The following PAIP2 variants were observed in gnomAD, a reference collection of about 807,000 sequenced individuals.
The protein encoded by PAIP2 is polyadenylate-binding protein-interacting protein 2.
PAIP2 carries 7 observed loss-of-function variants against 14.8 expected under a neutral mutation model. That is an observed-to-expected ratio of 0.47 (90% confidence interval 0.27 to 0.89). PAIP2 has a LOEUF of 0.89. PAIP2 is among the 40% of genes least tolerant of loss of function. PAIP2 has a pLI of 0.13. For synonymous variants in PAIP2, 47 were observed against 45.3 expected (o/e 1.04, Z -0.15); for missense variants, 122 against 154.7 (o/e 0.79, Z 1.12).
At chr5:139,344,162 A>G (rs1457019408) in intron 1 of PAIP2, among the ~76,000 whole-genome samples, 1 of 152,216 alleles carries the variant, frequency 6.6e-6, no homozygotes, top group African/African-American at 2.4e-5. Context: ...GAAGATAACA[A>G]ATGAGACGTG....
chr5:139,342,220 A>G (rs1186719590), intron 1 of PAIP2, among the ~76,000 whole-genome samples: 1 of 150,468 alleles, frequency 6.6e-6, no homozygotes. Context: ...AATGATTTGG[A>G]TCTCGCAGCT....
chr5:139,360,028 G>A (rs886507573), intron 1 of PAIP2, among the ~76,000 whole-genome samples: 29 of 151,834 alleles, frequency 1.9e-4, no homozygotes, highest in Non-Finnish European at 7.4e-5. Context: ...GTGCAGTGGC[G>A]CAGTCTCGGC....
intron 1 of PAIP2, among the ~76,000 whole-genome samples, chr5:139,343,889 T>C (rs1756459301): frequency 6.6e-6 from 1 of 152,040 alleles, no homozygotes; most frequent in South Asian, 2.1e-4. Flanking sequence ...GCTAATTTTT[T>C]GTATTTTTAG....
intron 1 of PAIP2, among the ~76,000 whole-genome samples, chr5:139,346,103 C>T (rs527446250): frequency 6.6e-6 from 1 of 152,128 alleles, no homozygotes; most frequent in South Asian, 2.1e-4. Flanking sequence ...ACAATAAAGC[C>T]CTAAGTTGAT....
At chr5:139,353,968 C>T (rs1040884587) in intron 1 of PAIP2, among the ~76,000 whole-genome samples, 8 of 152,136 alleles carry the variant, frequency 5.3e-5, no homozygotes, top group African/African-American at 1.9e-4. Context: ...GTGATCCACC[C>T]ACTTCGGCCT....
chr5:139,361,886 C>T (rs1452433537), intron 1 of PAIP2, among the ~76,000 whole-genome samples: 2 of 140,702 alleles, frequency 1.4e-5, no homozygotes, highest in Non-Finnish European at 3.0e-5. Context: ...GCGGAGGTTG[C>T]GGTGAGCTGA....
intron 1 of PAIP2, among the ~76,000 whole-genome samples, chr5:139,353,633 C>T (rs573910404): frequency 6.6e-6 from 1 of 151,872 alleles, no homozygotes; most frequent in East Asian, 1.9e-4. Context: ...AATTACATGT[C>T]TTTTGTAATT....
Position 139,368,776 on chromosome 5 carries a change from G to T in PAIP2, c.362G>T (p.Gly121Val). 6.2e-7 allele frequency: 1 copy of T among 1,613,214 alleles called. No individual in the cohort carries two copies. Residue 121 changes from glycine (G) to valine (V), a missense_variant, in exon 4 of 4, where the codon GGG becomes GTG. Gly to Val is a moderately radical substitution (Grantham distance 109). This residue lies in a region of PAIP2 where 46 missense variants were observed against 44.0 expected (regional missense o/e 1.05). Coordinates refer to ENST00000265192, the MANE Select transcript of PAIP2 (RefSeq NM_016480.5). Reference sequence around the variant, plus strand: ...CCAAATGCAAAGGAGTTTGTTCCTGGGGTGAAGTACGGAAATATTTGAGTA... The same window carrying T: ...CCAAATGCAAAGGAGTTTGTTCCTGTGGTGAAGTACGGAAATATTTGAGTA... ...LNPNAKEFVPGVKYGNI is the reference protein window; with the variant it reads ...LNPNAKEFVPVVKYGNI
At chr5:139,361,376 G>A (rs1757062888) in intron 1 of PAIP2, among the ~76,000 whole-genome samples, 1 of 152,040 alleles carries the variant, frequency 6.6e-6, no homozygotes, top group Non-Finnish European at 1.5e-5. Context: ...TAGATTTAGT[G>A]TTTTACTTGA....
At chr5:139,357,492 G>A (rs978465506) in intron 1 of PAIP2, among the ~76,000 whole-genome samples, 8 of 152,124 alleles carry the variant, frequency 5.3e-5, no homozygotes, top group Admixed American at 4.6e-4. Context: ...TCTTGAGCCA[G>A]TCCTTCAGGG....
intron 1 of PAIP2, among the ~76,000 whole-genome samples, chr5:139,363,311 G>GA (rs911915912): frequency 2.0e-5 from 3 of 151,980 alleles, no homozygotes; most frequent in African/African-American, 7.3e-5. Context: ...AAATCATTTG[G>GA]AAAAAACAAA....
At chr5:139,344,915 C>T (rs1272980301) in intron 1 of PAIP2, among the ~76,000 whole-genome samples, 1 of 151,988 alleles carries the variant, frequency 6.6e-6, no homozygotes, top group African/African-American at 2.4e-5. Context: ...GTGCTAGGTT[C>T]TCTAACTAGG....
chr5:139,357,754 C>T (rs943772010), intron 1 of PAIP2, among the ~76,000 whole-genome samples: 3 of 152,170 alleles, frequency 2.0e-5, no homozygotes, highest in African/African-American at 7.2e-5. Context: ...TCGCTTGAAC[C>T]TAGGAGGCAG....
At chr5:139,349,240 CTGTTGTTGT>C (rs369569286) in intron 1 of PAIP2, among the ~76,000 whole-genome samples, 2 of 151,606 alleles carry the variant, frequency 1.3e-5, no homozygotes, top group African/African-American at 4.8e-5. Context: ...TTGTTTTTTG[CTGTTGTTGT>C]TGTTGTTGTT....
At chr5:139,360,577 C>T (rs1261206524) in intron 1 of PAIP2, among the ~76,000 whole-genome samples, 1 of 152,048 alleles carries the variant, frequency 6.6e-6, no homozygotes, top group Non-Finnish European at 1.5e-5. Context: ...ACTGCAACCT[C>T]CACCTCCCAG....
rs772360139 is a variant in PAIP2, at chr5:139,368,797, G to T, written c.383G>T (p.Ter128LeuextTer10). Residue 128 changes from the stop codon to leucine, a stop_lost, in exon 4 of 4, where the codon TGA (stop) becomes TTA (leucine). Transcript: ENST00000265192. ...CCTGGGGTGAAGTACGGAAATATTT[G>T]AGTAGACGGGGCCCTCTTTTGGTGG... is the stretch of plus-strand genomic sequence containing the variant. ...FVPGVKYGNI[*>L] The T allele has an allele frequency of 6.2e-7, 1 of 1,607,600 alleles. No individual in the cohort carries two copies. Among genetic ancestry groups the T allele is most frequent in the South Asian group, 1.1e-5 (1 of 90,918 alleles).
At chr5:139,347,173 A>G (rs143189467) in intron 1 of PAIP2, among the ~76,000 whole-genome samples, 1 of 152,148 alleles carries the variant, frequency 6.6e-6, no homozygotes, top group East Asian at 1.9e-4. Flanking sequence ...GGAATTATTG[A>G]CAATAGATTA....
At chr5:139,368,199 G>C (rs1428201690) in intron 3 of PAIP2, among the ~76,000 whole-genome samples, 1 of 152,226 alleles carries the variant, frequency 6.6e-6, no homozygotes, top group African/African-American at 2.4e-5. Context: ...TTAGCTGGGC[G>C]TGGCGGTGGG....
At position 139,368,784 on chromosome 5, in the gene PAIP2, T is replaced by A; in HGVS notation, c.370T>A (p.Tyr124Asn). Residue 124 changes from tyrosine to asparagine, a missense_variant, in exon 4 of 4, where the codon TAC becomes AAC. Physicochemically the swap from Tyr to Asn is moderately radical, Grantham distance 143. This residue lies in a region of PAIP2 where 46 missense variants were observed against 44.0 expected (regional missense o/e 1.05). Coordinates refer to ENST00000265192, the MANE Select transcript of PAIP2 (RefSeq NM_016480.5). ...AAAGGAGTTTGTTCCTGGGGTGAAG[T>A]ACGGAAATATTTGAGTAGACGGGGC... ...NAKEFVPGVKYGNI is the reference protein window; with the variant it reads ...NAKEFVPGVKNGNI The A allele has an allele frequency of 6.2e-7, 1 of 1,612,626 alleles. No homozygotes were observed. The highest frequency in any genetic ancestry group is 8.5e-7 in the Non-Finnish European group (1 of 1,178,754).
Sources: gnomAD v4.1 joint callset for allele counts (sites outside exome capture counted in the v4.1 genomes callset) on GRCh38, gnomAD v4.1.1 for gene constraint, gnomAD v4.1.1 regional missense constraint, MANE v1.5 for transcripts, NCBI Gene and HGNC (gene_info 2026-07-23, HGNC 2026-07-21) for gene names.